SPRING1: variants seen among roughly 807,000 people sequenced by gnomAD.
SPRING1 encodes SREBF pathway regulator in golgi 1.
A neutral mutation model predicts 24.7 loss-of-function variants in SPRING1; 14 were observed. The ratio of observed to expected loss-of-function variants is 0.57; its 90% CI spans 0.37 to 0.88. The LOEUF (loss-of-function observed/expected upper bound fraction) is 0.88. SPRING1 is among the 40% of genes least tolerant of loss of function. The pLI is 0.00. For missense variants in SPRING1, 255 were observed against 268.4 expected (o/e 0.95, Z 0.35); for synonymous variants, 93 against 106.1 (o/e 0.88, Z 0.76).
At chr12:116,725,561 G>C (rs1415674418) in intron 1 of SPRING1, among the ~76,000 whole-genome samples, 1 of 152,150 alleles carries the variant, frequency 6.6e-6, no homozygotes, top group African/African-American at 2.4e-5. Context: ...AGGAAATTAA[G>C]TAAAGATTCT....
At chr12:116,721,454 A>T (rs527534750) in intron 2 of SPRING1, among the ~76,000 whole-genome samples, 130 of 152,354 alleles carry the variant, frequency 8.5e-4, no homozygotes, top group Admixed American at 2.2e-3. Flanking sequence ...TAGAAAACAA[A>T]GTCTGTTCAA....
At chr12:116,737,329 G>C (rs991542264) in intron 1 of SPRING1, among the ~76,000 whole-genome samples, 12 of 152,066 alleles carry the variant, frequency 7.9e-5, no homozygotes, top group African/African-American at 2.9e-4. Context: ...AGAGGAGGAA[G>C]GGAAGGAAGG....
Position 116,738,018 on chromosome 12 carries a change from C to G in SPRING1, c.-118G>C. On this transcript the variant is annotated 5_prime_UTR_variant, in exon 1 of 5. Coordinates refer to ENST00000261318, the MANE Select transcript of SPRING1 (RefSeq NM_024738.4). ...TCCCTCCAGGCAGGCGCCGGCCCCG[C>G]CGCCCGCAGCCCAGTCTGCTCCCGG... 1 of 1,112,536 alleles carries G rather than the reference C, an allele frequency of 9.0e-7. No individual in the cohort carries two copies. The highest frequency in any genetic ancestry group is 1.1e-6 in the Non-Finnish European group (1 of 910,718). 68.9% of individuals were successfully genotyped at this position (1,112,536 alleles called of 1,614,324 possible). A position where few individuals can be genotyped will look rare whatever the true frequency, so the allele number is the denominator to read the frequency against.
At position 116,723,116 on chromosome 12, in the gene SPRING1, A is replaced by C; in HGVS notation, c.219T>G (p.Asn73Lys). Residue 73 changes from asparagine (N) to lysine (K), a missense_variant, in exon 2 of 5, where the codon AAT (asparagine) becomes AAG (lysine). Coordinates refer to ENST00000261318, the MANE Select transcript of SPRING1 (RefSeq NM_024738.4). ...TCCCTTGAATGGAGTTGCGGCACTG[A>C]TTGCTCGGACGACTGCTATTGCCCA... is the stretch of plus-strand genomic sequence containing the variant. ...FNLGNSSRPS[N>K]QCRNSIQGKH... 6.2e-7 allele frequency: 1 copy of C among 1,612,922 alleles called. No homozygotes were observed. The highest frequency in any genetic ancestry group is 8.5e-7 in the Non-Finnish European group (1 of 1,180,038).
chr12:116,730,085 A>G (rs921713633), intron 1 of SPRING1, among the ~76,000 whole-genome samples: 1 of 151,680 alleles, frequency 6.6e-6, no homozygotes, highest in African/African-American at 2.4e-5. Context: ...TATTTTTAGT[A>G]GAGACAGGGT....
At chr12:116,729,643 A>T (rs1475440708) in intron 1 of SPRING1, among the ~76,000 whole-genome samples, 1 of 152,268 alleles carries the variant, frequency 6.6e-6, no homozygotes, top group East Asian at 1.9e-4. Flanking sequence ...TTCGGACATA[A>T]AAATGAAGTG....
intron 1 of SPRING1, among the ~76,000 whole-genome samples, chr12:116,736,062 A>T (rs1170684488): frequency 6.7e-6 from 1 of 149,124 alleles, no homozygotes; most frequent in African/African-American, 2.5e-5. Flanking sequence ...AAAAAAAAAA[A>T]AAAAAGATGG....
In SPRING1 at chr12:116,720,460, G is replaced by A. The variant is rs1286549441; in HGVS notation, c.269-13C>T. The A allele has an allele frequency of 1.2e-6, 2 of 1,613,370 alleles. No individual in the cohort carries two copies. Among genetic ancestry groups the A allele is most frequent in the Non-Finnish European group, 1.7e-6 (2 of 1,179,668 alleles). On this transcript the variant is annotated splice_polypyrimidine_tract_variant and intron_variant, in intron 2 of 4. Transcript: ENST00000261318. The surrounding 1 kb of genome is among the most constrained non-coding windows in gnomAD (Gnocchi z 4.0). ...TCGCAAACGTAGCCTGAAAGTCAGA[G>A]ACCAACCTTAGCATAAAACCAGCAG...
chr12:116,722,847 G>T (rs1413664412), intron 2 of SPRING1, among the ~76,000 whole-genome samples: 1 of 152,228 alleles, frequency 6.6e-6, no homozygotes, highest in Admixed American at 6.5e-5. Flanking sequence ...TAGGCAGAAA[G>T]AACTTTTAAG....
At position 116,715,996 on chromosome 12, in the gene SPRING1, G is replaced by A. The variant is rs1454539924; in HGVS notation, c.*1814C>T. ...CTCAAGAGTTAAAATAAGCTCAAAG[G>A]AGAGGCTGATTCCAATGTCAACCCA... On this transcript the variant is annotated 3_prime_UTR_variant, in exon 5 of 5. Transcript: ENST00000261318. 6.6e-6 allele frequency: 1 copy of A among 152,168 alleles called. No individual in the cohort carries two copies. The highest frequency in any genetic ancestry group is 2.4e-5 in the African/African-American group (1 of 41,436). 9.4% of individuals were successfully genotyped at this position (152,168 alleles called of 1,614,324 possible).
chr12:116,713,891 A>C lies in SPRING1; in HGVS notation c.*3919T>G, dbSNP rs925453797. 1 of 152,220 alleles carries C rather than the reference A, an allele frequency of 6.6e-6. No homozygotes were observed. The highest frequency in any genetic ancestry group is 6.5e-5 in the Admixed American group (1 of 15,286). 9.4% of individuals were successfully genotyped at this position (152,220 alleles called of 1,614,324 possible). ...GGTTGTGTGATTTTAGGTTATCCTA[A>C]GTTTCATCCTTACGTGCTCCTGAAT... On this transcript the variant is annotated 3_prime_UTR_variant, in exon 5 of 5. Coordinates refer to ENST00000261318, the MANE Select transcript of SPRING1 (RefSeq NM_024738.4).
At chr12:116,736,039 TAAAAAAAAAA>T (rs34397599) in intron 1 of SPRING1, among the ~76,000 whole-genome samples, 5 of 35,594 alleles carry the variant, frequency 1.4e-4, no homozygotes, top group Non-Finnish European at 2.5e-4. Flanking sequence ...ACTCAGTCTT[TAAAAAAAAAA>T]AAAAAAAAAA....
At chr12:116,731,998 A>G (rs1371259291) in intron 1 of SPRING1, among the ~76,000 whole-genome samples, 1 of 152,142 alleles carries the variant, frequency 6.6e-6, no homozygotes, top group Non-Finnish European at 1.5e-5. Context: ...CCCTCCTTCC[A>G]AAAGGGTGGG....
rs1419626230 is a variant in SPRING1 at position 116,723,201 on chromosome 12, C to G, written c.134G>C (p.Arg45Thr). 8.7e-6 allele frequency: 14 copies of G among 1,614,122 alleles called. No homozygotes were observed. Among genetic ancestry groups the G allele is most frequent in the Non-Finnish European group, 1.1e-5 (13 of 1,180,038 alleles). The change falls in exon 2 of 5, where the codon AGG becomes ACG. Residue 45 changes from arginine (R) to threonine (T), a missense_variant. By Grantham distance (71) the Arg-to-Thr change is moderately conservative. Coordinates refer to ENST00000261318, the MANE Select transcript of SPRING1 (RefSeq NM_024738.4). Reference sequence around the variant, plus strand: ...ATGGTCATGAACCTGGAGGAGATTCCTATCTCTCACTGCCCTCTCCTCCTG... The same window carrying G: ...ATGGTCATGAACCTGGAGGAGATTCGTATCTCTCACTGCCCTCTCCTCCTG... Reference protein sequence around the residue: ...FKQEERAVRDRNLLQVHDHNQ... With the variant: ...FKQEERAVRDTNLLQVHDHNQ...
intron 1 of SPRING1, among the ~76,000 whole-genome samples, chr12:116,726,003 C>T (rs1241059832): frequency 6.6e-6 from 1 of 152,060 alleles, no homozygotes. Flanking sequence ...TAAATAAATT[C>T]TATTTCTTTT....
intron 1 of SPRING1, among the ~76,000 whole-genome samples, chr12:116,729,535 A>G (rs1870871681): frequency 6.6e-6 from 1 of 152,278 alleles, no homozygotes. Context: ...TGTCTGCAAC[A>G]GCGTTATTCA....
chr12:116,733,541 G>GA (rs1324687721), intron 1 of SPRING1, among the ~76,000 whole-genome samples: 2 of 151,546 alleles, frequency 1.3e-5, no homozygotes, highest in East Asian at 1.9e-4. Flanking sequence ...AGAAAAACAG[G>GA]AAAAAAAGCA....
intron 1 of SPRING1, among the ~76,000 whole-genome samples, chr12:116,736,110 T>C (rs202044956): frequency 1.8e-5 from 1 of 54,982 alleles, no homozygotes; most frequent in Non-Finnish European, 4.3e-5. Flanking sequence ...TAAAAAAAAA[T>C]TGAAAAAAAA....
Position 116,720,052 on chromosome 12 carries a change from G to T in SPRING1, c.421-176C>A. The T allele has an allele frequency of 2.2e-5, 16 of 715,268 alleles. No individual in the cohort carries two copies. Among genetic ancestry groups the T allele is most frequent in the Non-Finnish European group, 3.4e-5 (15 of 437,304 alleles). 44.3% of individuals were successfully genotyped at this position (715,268 alleles called of 1,614,324 possible). Reference sequence around the variant, plus strand: ...ACACGTGCATGCCAAAACACCCTGGGTATCTTATTCATTAGATATGTGATT... The same window carrying T: ...ACACGTGCATGCCAAAACACCCTGGTTATCTTATTCATTAGATATGTGATT... On this transcript the variant is annotated intron_variant, in intron 3 of 4. Coordinates refer to ENST00000261318, the MANE Select transcript of SPRING1 (RefSeq NM_024738.4). The surrounding 1 kb of genome is among the most constrained non-coding windows in gnomAD (Gnocchi z 4.0).
Sources: gnomAD v4.1 joint callset for allele counts (sites outside exome capture counted in the v4.1 genomes callset) on GRCh38, gnomAD v4.1.1 for gene constraint, Gnocchi (gnomAD v3.1) non-coding constraint, MANE v1.5 for transcripts, NCBI Gene and HGNC (gene_info 2026-07-23, HGNC 2026-07-21) for gene names.